The following ADH7 variants were observed in gnomAD, a reference collection of about 807,000 sequenced individuals.
ADH7 encodes the protein alcohol dehydrogenase 7 (class IV), mu or sigma polypeptide.
Under a neutral mutation model 34.4 loss-of-function variants are expected in ADH7, and 41 were observed. The observed-to-expected ratio is 1.19, with a 90% CI of 0.93 to 1.55. The LOEUF is 1.55. ADH7 is among the 40% of genes most tolerant of loss of function. The pLI, the probability that ADH7 is intolerant of heterozygous loss-of-function variation, is 0.00. For missense variants in ADH7, 540 were observed against 461.2 expected (o/e 1.17, Z -1.56); for synonymous variants, 180 against 160.9 (o/e 1.12, Z -0.90).
At chr4:99,426,335 A>G (rs1721804348) in intron 5 of ADH7, among the ~76,000 whole-genome samples, 1 of 152,216 alleles carries the variant, frequency 6.6e-6, no homozygotes, top group Non-Finnish European at 1.5e-5. Flanking sequence ...AGAAAAAAAG[A>G]GAGGAGAATC....
At chr4:99,429,421 T>C in intron 2 of ADH7, 111 bp downstream of exon 2, 1 of 714,320 alleles carries the variant, frequency 1.4e-6, no homozygotes, top group Non-Finnish European at 2.3e-6. Flanking sequence ...GAATTAATAC[T>C]CCAAACATGG....
At chr4:99,421,102 C>A (rs980984624) in intron 5 of ADH7, among the ~76,000 whole-genome samples, 10 of 152,076 alleles carry the variant, frequency 6.6e-5, no homozygotes, top group Non-Finnish European at 1.3e-4. Flanking sequence ...TCAATGTTAT[C>A]CCTATCAAGC....
intron 6 of ADH7, among the ~76,000 whole-genome samples, chr4:99,419,612 TA>T (rs1721603061): frequency 6.6e-6 from 1 of 152,182 alleles, no homozygotes; most frequent in Admixed American, 6.6e-5. Context: ...ATCCAGTTAT[TA>T]AGCAATAATT....
rs1721440718 is a variant in ADH7, at chr4:99,413,003, A to G, written c.*145T>C. The G allele has an allele frequency of 2.2e-5, 16 of 733,014 alleles. No homozygotes were observed. The East Asian group carries it at 4.1e-4, about 19-fold the overall frequency. 45.4% of individuals were successfully genotyped at this position (733,014 alleles called of 1,614,324 possible). On this transcript the variant is annotated 3_prime_UTR_variant, in exon 9 of 9. Coordinates refer to ENST00000437033, the MANE Select transcript of ADH7 (RefSeq NM_000673.7). ...CTTTAAATGTTTATAAAGGTTAATAATTCTTTATAAGGGTTCTATGTCTTC... is the reference window on the plus strand; with the variant it reads ...CTTTAAATGTTTATAAAGGTTAATAGTTCTTTATAAGGGTTCTATGTCTTC...
intron 1 of ADH7, among the ~76,000 whole-genome samples, chr4:99,433,720 T>C (rs1721988367): frequency 6.6e-6 from 1 of 152,058 alleles, no homozygotes; most frequent in African/African-American, 2.4e-5. Context: ...AAGAGGGTCA[T>C]CCACAAGCCA....
chr4:99,413,173 C>A lies in ADH7; in HGVS notation c.1101-1G>T. ...TCAAAACGTCAGGACCGTTCGAATG[C>A]TGAAATGTAAAATGAGAGTTTTTAA... is the stretch of plus-strand genomic sequence containing the variant. On this transcript the variant is annotated splice_acceptor_variant, in intron 8 of 8. Transcript: ENST00000437033. LOFTEE classifies it high-confidence loss of function. 6.2e-7 allele frequency: 1 copy of A among 1,613,332 alleles called. No homozygotes were observed.
intron 3 of ADH7, 133 bp from the exon 4 acceptor site, chr4:99,428,307 T>C: frequency 4.9e-6 from 6 of 1,217,936 alleles, no homozygotes; most frequent in Non-Finnish European, 6.9e-6. Flanking sequence ...CACCGTAAGG[T>C]TTGCCTTCTA....
intron 7 of ADH7, among the ~76,000 whole-genome samples, chr4:99,418,501 A>G (rs575403943): frequency 1.8e-4 from 28 of 152,302 alleles, no homozygotes; most frequent in South Asian, 6.2e-4. Context: ...TCCTAAAACA[A>G]TATTAATTGT....
At chr4:99,422,244 G>A (rs1350082484) in intron 5 of ADH7, among the ~76,000 whole-genome samples, 2 of 152,092 alleles carry the variant, frequency 1.3e-5, no homozygotes, top group African/African-American at 4.8e-5. Context: ...CAAAGACTTG[G>A]AACTAACCCA....
chr4:99,429,467 C>G, intron 2 of ADH7, 65 bp downstream of exon 2: 1 of 1,157,600 alleles, frequency 8.6e-7, no homozygotes, highest in South Asian at 1.4e-5. Context: ...AGCCTCACAA[C>G]AGTGCTATAT....
chr4:99,418,669 A>G (rs1323711826), intron 7 of ADH7, among the ~76,000 whole-genome samples: 26 of 152,176 alleles, frequency 1.7e-4, no homozygotes, highest in Admixed American at 1.6e-3. Context: ...ATTCTTGTGT[A>G]TATTAATAAT....
chr4:99,421,517 C>A (rs1021523563), intron 5 of ADH7, among the ~76,000 whole-genome samples: 1 of 152,174 alleles, frequency 6.6e-6, no homozygotes, highest in African/African-American at 2.4e-5. Context: ...GGATTAAACA[C>A]TTAAATGTAA....
chr4:99,420,483 C>T, intron 6 of ADH7, 50 bp downstream of exon 6: 1 of 1,557,442 alleles, frequency 6.4e-7, no homozygotes, highest in Non-Finnish European at 8.8e-7. Context: ...TTACCTTGTG[C>T]ATGTCTAATA....
chr4:99,425,667 C>G (rs1721783395), intron 5 of ADH7, among the ~76,000 whole-genome samples: 1 of 152,148 alleles, frequency 6.6e-6, no homozygotes, highest in South Asian at 2.1e-4. Context: ...AGAAAGTTAA[C>G]AAGGATATCC....
At chr4:99,428,739 C>T (rs1721874733) in intron 2 of ADH7, 109 bp from the exon 3 acceptor site, 30 of 1,354,896 alleles carry the variant, frequency 2.2e-5, no homozygotes, top group Non-Finnish European at 2.8e-5. Context: ...AATATCTTTG[C>T]CTAATATAAC....
rs1721620622 is a variant in ADH7, at chr4:99,420,477, C to T, written c.825+56G>A. The T allele has an allele frequency of 7.8e-6, 12 of 1,534,238 alleles. No individual in the cohort carries two copies. The South Asian group carries it at 1.4e-4, about 18-fold the overall frequency. On this transcript the variant is annotated intron_variant, in intron 6 of 8. Coordinates refer to ENST00000437033, the MANE Select transcript of ADH7 (RefSeq NM_000673.7). ...TAAAGTTATAGACAATTAAATTTAC[C>T]TTGTGCATGTCTAATAACTTGGGTA...
chr4:99,429,575 TC>T lies in ADH7; in HGVS notation c.76del (p.Glu26LysfsTer2), dbSNP rs1721893577. On this transcript the variant is annotated frameshift_variant, in exon 2 of 9. Coordinates refer to ENST00000437033, the MANE Select transcript of ADH7 (RefSeq NM_000673.7). LOFTEE classifies it high-confidence loss of function. The stretch of plus-strand genomic sequence containing the variant: ...AGTCTTTGGTGGGGCAACTTCTATT[TC>T]CTCAATGGAGAAGGGTTGCTTCTGC... Reference protein sequence around the residue: ...WEQKQPFSIEEIEVAPPKTKE... With the variant: ...WEQKQPFSIEXIEVAPPKTKE... 1 of 1,612,634 alleles carries T rather than the reference TC, an allele frequency of 6.2e-7. No individual in the cohort carries two copies. The highest frequency in any genetic ancestry group is 8.5e-7 in the Non-Finnish European group (1 of 1,179,308).
intron 5 of ADH7, among the ~76,000 whole-genome samples, chr4:99,423,131 G>GT (rs1285410366): frequency 2.7e-5 from 4 of 149,092 alleles, no homozygotes; most frequent in Admixed American, 6.7e-5. Flanking sequence ...TGCGGTGTTT[G>GT]TTTTTTTGTC....
At chr4:99,424,406 T>A (rs1201576715) in intron 5 of ADH7, among the ~76,000 whole-genome samples, 1 of 152,046 alleles carries the variant, frequency 6.6e-6, no homozygotes, top group Non-Finnish European at 1.5e-5. Context: ...TTTTTTCCAA[T>A]TCTGTGAAGA....
Sources: gnomAD v4.1 joint callset for allele counts (sites outside exome capture counted in the v4.1 genomes callset) on GRCh38, gnomAD v4.1.1 for gene constraint, MANE v1.5 for transcripts, NCBI Gene and HGNC (gene_info 2026-07-23, HGNC 2026-07-21) for gene names.